Variants in DOCK8 observed in about 807,000 individuals in gnomAD.
DOCK8 encodes the protein dedicator of cytokinesis protein 8.
DOCK8 carries 141 observed loss-of-function variants against 245.6 expected under a neutral mutation model. The ratio of observed to expected loss-of-function variants is 0.57; its 90% CI spans 0.50 to 0.66. The LOEUF (loss-of-function observed/expected upper bound fraction) is 0.66, where lower values mean the gene tolerates loss of function less well. Among genes scored for constraint, DOCK8 ranks in the 30% least tolerant of loss-of-function variants. The pLI, the probability that DOCK8 is intolerant of heterozygous loss-of-function variation, is 0.00. For missense variants in DOCK8, 2,965 were observed against 2,603.4 expected (o/e 1.14, Z -3.02); for synonymous variants, 1,168 against 970.2 (o/e 1.20, Z -3.79).
intron 1 of DOCK8, among the ~76,000 whole-genome samples, chr9:255,840 C>T (rs895615684): frequency 6.6e-6 from 1 of 151,940 alleles, no homozygotes; most frequent in Non-Finnish European, 1.5e-5. Context: ...TAATATTGCA[C>T]ATAGAGAAAA....
chr9:350,074 T>C (rs898605184), intron 14 of DOCK8, among the ~76,000 whole-genome samples: 1 of 152,188 alleles, frequency 6.6e-6, no homozygotes, highest in African/African-American at 2.4e-5. Context: ...CAAGTTCGGC[T>C]CATCGCAAAC....
At chr9:350,428 G>T (rs1033819013) in intron 14 of DOCK8, among the ~76,000 whole-genome samples, 1 of 152,104 alleles carries the variant, frequency 6.6e-6, no homozygotes, top group Non-Finnish European at 1.5e-5. Context: ...TTATTTCCTG[G>T]TTACAATACT....
chr9:463,403 C>A, intron 46 of DOCK8, 114 bp from the exon 47 acceptor site: 1 of 1,286,064 alleles, frequency 7.8e-7, no homozygotes, highest in Non-Finnish European at 1.1e-6. Flanking sequence ...ATATGCCACC[C>A]AGTTTGAAAA....
intron 28 of DOCK8, 85 bp from the exon 29 acceptor site, chr9:414,697 C>G: frequency 1.3e-6 from 2 of 1,536,164 alleles, no homozygotes; most frequent in South Asian, 2.2e-5. Flanking sequence ...TGCTTAGGAG[C>G]GTTTTCATCA....
chr9:419,296 G>C (rs760776089), intron 30 of DOCK8, among the ~76,000 whole-genome samples: 1 of 152,252 alleles, frequency 6.6e-6, no homozygotes, highest in Non-Finnish European at 1.5e-5. Context: ...TGGGGGGACA[G>C]TGAGGCAGGA....
intron 36 of DOCK8, among the ~76,000 whole-genome samples, chr9:431,199 C>T (rs1003987651): frequency 3.3e-5 from 5 of 152,086 alleles, no homozygotes; most frequent in African/African-American, 9.7e-5. Flanking sequence ...TTCAAAGCTA[C>T]GAAGACTTTG....
intron 1 of DOCK8, among the ~76,000 whole-genome samples, chr9:239,423 G>C (rs2131405925): frequency 6.6e-6 from 1 of 152,294 alleles, no homozygotes; most frequent in East Asian, 1.9e-4. Context: ...AAGGTGATTT[G>C]ATAGAGCCAC....
intron 1 of DOCK8, among the ~76,000 whole-genome samples, chr9:216,680 G>T (rs2046763131): frequency 6.6e-6 from 1 of 152,050 alleles, no homozygotes; most frequent in Admixed American, 6.6e-5. Flanking sequence ...TCAAACTGAA[G>T]TTACTGATGG....
intron 1 of DOCK8, among the ~76,000 whole-genome samples, chr9:269,374 G>A (rs1351190022): frequency 6.6e-6 from 1 of 152,054 alleles, no homozygotes; most frequent in Non-Finnish European, 1.5e-5. Context: ...ATGTTGTGGT[G>A]TATATAGGTA....
intron 14 of DOCK8, among the ~76,000 whole-genome samples, chr9:354,316 A>G (rs1563956062): frequency 6.6e-6 from 1 of 152,152 alleles, no homozygotes; most frequent in Non-Finnish European, 1.5e-5. Flanking sequence ...TGGGAAGAAT[A>G]TTTTTGTGTG....
Position 439,225 on chromosome 9 carries a change from T to G in DOCK8, c.5080-20T>G, listed in dbSNP as rs367958461. On this transcript the variant is annotated intron_variant, in intron 39 of 47. Transcript: ENST00000432829. ...GTCTGGTCGCCCTGTTCTCCAGGCT[T>G]ATACTGTGGTCTCTTTCAGAATATT... 6 of 1,614,038 alleles carry G rather than the reference T, an allele frequency of 3.7e-6. No individual in the cohort carries two copies. The highest frequency in any genetic ancestry group is 5.1e-6 in the Non-Finnish European group (6 of 1,180,022).
chr9:348,895 A>G (rs936750268), intron 14 of DOCK8, among the ~76,000 whole-genome samples: 6 of 152,102 alleles, frequency 3.9e-5, no homozygotes, highest in Non-Finnish European at 8.8e-5. Flanking sequence ...AGATGCCCCC[A>G]AAGGTCAGCA....
chr9:399,690 C>G lies in DOCK8; in HGVS notation c.3234+431C>G, dbSNP rs1420127312. Among the ~76,000 whole-genome samples the G allele has an allele frequency of 2.6e-5, 4 of 152,116 alleles. 1 individual carries two copies. Among genetic ancestry groups the G allele is most frequent in the African/African-American group, 9.7e-5 (4 of 41,436 alleles). On this transcript the variant is annotated intron_variant, in intron 26 of 47. Transcript: ENST00000432829. Reference sequence around the variant, plus strand: ...CTTGAAAGAACCTTTTTAAAGTGTTCTTAAATAAAATCATTCAAAGAGATT... The same window carrying G: ...CTTGAAAGAACCTTTTTAAAGTGTTGTTAAATAAAATCATTCAAAGAGATT...
intron 1 of DOCK8, among the ~76,000 whole-genome samples, chr9:241,786 T>C (rs891390244): frequency 6.6e-6 from 1 of 152,222 alleles, no homozygotes; most frequent in Non-Finnish European, 1.5e-5. Flanking sequence ...GCAAATTCTA[T>C]ATTCCATATT....
At chr9:300,126 A>T (rs1243536141) in intron 4 of DOCK8, among the ~76,000 whole-genome samples, 1 of 152,144 alleles carries the variant, frequency 6.6e-6, no homozygotes, top group Non-Finnish European at 1.5e-5. Context: ...TGTTTGGCTC[A>T]AAACAAATTG....
At chr9:400,691 T>A (rs1293425405) in intron 26 of DOCK8, among the ~76,000 whole-genome samples, 12 of 48,098 alleles carry the variant, frequency 2.5e-4, no homozygotes, top group East Asian at 8.5e-4. Context: ...CACCACCACC[T>A]CCACCACCAC....
intron 14 of DOCK8, among the ~76,000 whole-genome samples, chr9:354,564 T>A (rs1586779248): frequency 6.6e-6 from 1 of 152,234 alleles, no homozygotes; most frequent in Non-Finnish European, 1.5e-5. Flanking sequence ...GCAGCTGACC[T>A]GCTTGGTCTG....
chr9:391,949 G>A (rs1296218005), intron 24 of DOCK8, among the ~76,000 whole-genome samples: 1 of 151,118 alleles, frequency 6.6e-6, no homozygotes, highest in Admixed American at 6.6e-5. Flanking sequence ...GACCAGCCTG[G>A]CCAACGTGAC....
chr9:463,467 T>G lies in DOCK8; in HGVS notation c.6069-50T>G, dbSNP rs745650441. 3 of 1,604,222 alleles carry G rather than the reference T, an allele frequency of 1.9e-6. No homozygotes were observed. The South Asian group carries it at 3.3e-5, about 18-fold the overall frequency. ...AGTAATTTCATTGTTCTCAGATTTC[T>G]AAGCACTTCAAAGTCATTTATTTCT... On this transcript the variant is annotated intron_variant, in intron 46 of 47. Coordinates refer to ENST00000432829, the MANE Select transcript of DOCK8 (RefSeq NM_203447.4).
Sources: allele counts gnomAD v4.1 joint callset (sites outside exome capture counted in the v4.1 genomes callset), GRCh38; gene constraint gnomAD v4.1.1; transcripts MANE v1.5; gene names NCBI Gene and HGNC (gene_info 2026-07-23, HGNC 2026-07-21).